IQCE: variants seen among roughly 807,000 people sequenced by gnomAD.
IQCE encodes the protein IQ domain-containing protein E.
Under a neutral mutation model 96.0 loss-of-function variants are expected in IQCE, and 115 were observed. The ratio of observed to expected loss-of-function variants is 1.20; its 90% confidence interval spans 1.03 to 1.40. The LOEUF is 1.40. IQCE is among the 40% of genes most tolerant of loss of function. IQCE has a pLI of 0.00. For missense variants in IQCE, 1,041 were observed against 909.1 expected (o/e 1.15, Z -1.87); for synonymous variants, 412 against 371.2 (o/e 1.11, Z -1.26).
intron 3 of IQCE, among the ~76,000 whole-genome samples, chr7:2,569,413 G>C (rs1229611526): frequency 6.6e-6 from 1 of 152,166 alleles, no homozygotes; most frequent in Non-Finnish European, 1.5e-5. Flanking sequence ...GGTGTAGTTG[G>C]TGGGACGGGT....
chr7:2,583,527 G>C (rs1452702811), intron 9 of IQCE, 110 bp from the exon 10 acceptor site: 2 of 621,862 alleles, frequency 3.2e-6, no homozygotes, highest in Non-Finnish European at 5.2e-6. Context: ...TCCCATCCTG[G>C]GTCTTTTCCA....
At chr7:2,590,590 C>G (rs898394305) in intron 14 of IQCE, among the ~76,000 whole-genome samples, 8 of 151,978 alleles carry the variant, frequency 5.3e-5, no homozygotes, top group African/African-American at 1.9e-4. Context: ...CACAGCAAGA[C>G]TCCATCTGTA....
At chr7:2,566,220 A>G (rs576706020) in intron 1 of IQCE, among the ~76,000 whole-genome samples, 88 of 151,548 alleles carry the variant, frequency 5.8e-4, no homozygotes, top group Non-Finnish European at 1.1e-3. Context: ...TAAACATTTT[A>G]TGCTTCTCTT....
chr7:2,595,492 C>T (rs1033529341), intron 16 of IQCE, among the ~76,000 whole-genome samples: 2 of 149,434 alleles, frequency 1.3e-5, no homozygotes, highest in Admixed American at 6.6e-5. Flanking sequence ...AGCAGGGACC[C>T]GGCAGGTGAG....
chr7:2,593,190 G>A (rs895991273), intron 15 of IQCE, 64 bp downstream of exon 15: 4 of 1,522,518 alleles, frequency 2.6e-6, no homozygotes, highest in Non-Finnish European at 3.6e-6. Flanking sequence ...TACCACTGCG[G>A]CCCCCCGTGG....
At position 2,611,148 on chromosome 7, in the gene IQCE, C is replaced by CTGGGCTGGGCTGGGAT. The variant is rs1386406082; in HGVS notation, c.*986_*987insTGGGCTGGGCTGGGAT. On this transcript the variant is annotated 3_prime_UTR_variant, in exon 22 of 22. Coordinates refer to ENST00000402050, the MANE Select transcript of IQCE (RefSeq NM_152558.5). ...CTGGGCTGGGCTGGGCTGGGCCGGG[C>CTGGGCTGGGCTGGGAT]GTGCGGAGCCTGTGGAGCCAGCAGC... is the stretch of plus-strand genomic sequence containing the variant. 6.6e-6 allele frequency: 1 copy of CTGGGCTGGGCTGGGAT among 152,344 alleles called. No individual in the cohort carries two copies. The highest frequency in any genetic ancestry group is 1.5e-5 in the Non-Finnish European group (1 of 68,588). 9.4% of individuals were successfully genotyped at this position (152,344 alleles called of 1,614,324 possible).
intron 13 of IQCE, among the ~76,000 whole-genome samples, chr7:2,589,558 T>C (rs1399617518): frequency 1.3e-5 from 2 of 152,052 alleles, no homozygotes; most frequent in African/African-American, 2.4e-5. Flanking sequence ...ACTGAAAGCA[T>C]GAAGGCTGAA....
At chr7:2,578,412 G>A in intron 7 of IQCE, 57 bp downstream of exon 7, 1 of 1,606,930 alleles carries the variant, frequency 6.2e-7, no homozygotes, top group Non-Finnish European at 8.5e-7. Flanking sequence ...GGCAGCATCT[G>A]CCAGCCAGCC....
rs757184935 is a variant in IQCE at position 2,559,196 on chromosome 7, C to T, written c.15C>T (p.Thr5=). Residue 5 remains threonine, a synonymous_variant, in exon 1 of 22, where the codon ACC becomes ACT. Transcript: ENST00000402050. The part of the protein sequence containing the change: MFLG[T]GEPALDTGDD... ...GCGCCGCCACCATGTTCCTGGGCAC[C>T]GGGGAGCCGGCCTTGGACACGGTAA... 4.9e-6 allele frequency: 6 copies of T among 1,212,234 alleles called. No homozygotes were observed. The highest frequency in any genetic ancestry group is 4.4e-5 in the Admixed American group (1 of 22,878). 75.1% of individuals were successfully genotyped at this position (1,212,234 alleles called of 1,614,324 possible).
At chr7:2,595,417 T>TGGGGC (rs1230591912) in intron 16 of IQCE, among the ~76,000 whole-genome samples, 1 of 152,020 alleles carries the variant, frequency 6.6e-6, no homozygotes, top group East Asian at 1.9e-4. Context: ...CTGGGTGGGG[T>TGGGGC]GGGGCTTCCT....
chr7:2,572,578 T>C (rs1275555271), intron 5 of IQCE: 2 of 626,136 alleles, frequency 3.2e-6, no homozygotes, highest in African/African-American at 3.6e-5. Flanking sequence ...CCTCCCTCCC[T>C]AAACATAGAG....
chr7:2,600,134 G>A (rs1055097573), intron 17 of IQCE, among the ~76,000 whole-genome samples: 3 of 152,034 alleles, frequency 2.0e-5, no homozygotes, highest in African/African-American at 7.2e-5. Flanking sequence ...TTGGCAATGG[G>A]CAGGCCAATG....
chr7:2,561,453 C>T (rs1396952945), intron 1 of IQCE, among the ~76,000 whole-genome samples: 4 of 144,380 alleles, frequency 2.8e-5, no homozygotes, highest in African/African-American at 5.2e-5. Context: ...TGGAGTCTTG[C>T]TCTGTTGCCC....
intron 4 of IQCE, 88 bp downstream of exon 4, chr7:2,571,742 A>C: frequency 7.4e-7 from 1 of 1,345,072 alleles, no homozygotes; most frequent in Non-Finnish European, 1.0e-6. Flanking sequence ...AGTTTTTAAT[A>C]TTCCTTGTTT....
rs1781433975 is a variant in IQCE, at chr7:2,567,120, A to ATG, written c.42_43dup (p.Asp15ValfsTer61). ...TGTTTGCCTCTCTTCCTCCAGGGAG[A>ATG]TGACAGTCTGTCTGCAGTCACCTTT... On this transcript the variant is annotated frameshift_variant, in exon 2 of 22. Coordinates refer to ENST00000402050, the MANE Select transcript of IQCE (RefSeq NM_152558.5). LOFTEE classifies it high-confidence loss of function. 1 of 1,613,732 alleles carries ATG rather than the reference A, an allele frequency of 6.2e-7. No homozygotes were observed. Among genetic ancestry groups the ATG allele is most frequent in the Non-Finnish European group, 8.5e-7 (1 of 1,179,770 alleles).
chr7:2,567,694 C>G (rs1446683871), intron 2 of IQCE, among the ~76,000 whole-genome samples: 2 of 152,208 alleles, frequency 1.3e-5, no homozygotes, highest in South Asian at 2.1e-4. Flanking sequence ...TTGCTCTTCT[C>G]GTGTATGAGC....
At chr7:2,586,413 GGCAGGGAAT>G (rs1783118909) in intron 12 of IQCE, 42 bp downstream of exon 12, 2 of 100,694 alleles carry the variant, frequency 2.0e-5, no homozygotes, top group African/African-American at 7.8e-4. Flanking sequence ...GCCAGGGAAT[GGCAGGGAAT>G]GGCAGGGCAT....
intron 1 of IQCE, among the ~76,000 whole-genome samples, chr7:2,560,949 C>T (rs1301808269): frequency 1.6e-5 from 2 of 123,398 alleles, no homozygotes; most frequent in Admixed American, 9.1e-5. Flanking sequence ...GAGTGAGACT[C>T]TGTCTCAAAA....
At chr7:2,569,461 C>T (rs746500022) in intron 3 of IQCE, among the ~76,000 whole-genome samples, 21 of 152,134 alleles carry the variant, frequency 1.4e-4, no homozygotes, top group Non-Finnish European at 2.5e-4. Flanking sequence ...TCATCCTGGG[C>T]TTGTTTTGCT....
Sources: gnomAD v4.1 joint callset for allele counts (sites outside exome capture counted in the v4.1 genomes callset) on GRCh38, gnomAD v4.1.1 for gene constraint, MANE v1.5 for transcripts, NCBI Gene and HGNC (gene_info 2026-07-23, HGNC 2026-07-21) for gene names.